Variants in CSTPP1 observed in about 807,000 individuals in gnomAD.
CSTPP1 encodes the protein UPF0705 protein C11orf49.
the CSTPP1 span, among the ~76,000 whole-genome samples, chr11:47,101,354 CTT>C: frequency 6.6e-6 from 1 of 150,998 alleles, no homozygotes; most frequent in South Asian, 2.1e-4. Context: ...GAGAAGAGCC[CTT>C]TTAGGTAGTA....
the CSTPP1 span, among the ~76,000 whole-genome samples, chr11:47,093,817 A>G: frequency 1.3e-5 from 2 of 152,244 alleles, no homozygotes; most frequent in Non-Finnish European, 2.9e-5. Flanking sequence ...CTGGCACTTA[A>G]TAGCTTCTTG....
At chr11:47,061,163 G>A in the CSTPP1 span, among the ~76,000 whole-genome samples, 2 of 151,092 alleles carry the variant, frequency 1.3e-5, no homozygotes, top group Non-Finnish European at 2.9e-5. Flanking sequence ...TTATTCATTC[G>A]ACAAACATTT....
At chr11:46,960,575 T>A in the CSTPP1 span, among the ~76,000 whole-genome samples, 2 of 152,240 alleles carry the variant, frequency 1.3e-5, no homozygotes, top group Non-Finnish European at 2.9e-5. Flanking sequence ...GATTCATCGA[T>A]GTTTGCTGGG....
chr11:46,964,580 T>A, the CSTPP1 span, among the ~76,000 whole-genome samples: 9 of 152,166 alleles, frequency 5.9e-5, no homozygotes, highest in African/African-American at 2.2e-4. Flanking sequence ...CCACCGCGCC[T>A]GGCCCACAGT....
At chr11:47,148,044 G>A in the CSTPP1 span, among the ~76,000 whole-genome samples, 2 of 152,114 alleles carry the variant, frequency 1.3e-5, no homozygotes, top group Admixed American at 1.3e-4. Context: ...GACACCCCAC[G>A]CCACTTCAAG....
At chr11:47,157,249 C>T in the CSTPP1 span, 2 of 1,533,914 alleles carry the variant, frequency 1.3e-6, no homozygotes, top group South Asian at 1.3e-5. Context: ...CCCCAGCCCC[C>T]CAGCCCCAGG....
At chr11:47,075,256 C>T in the CSTPP1 span, among the ~76,000 whole-genome samples, 1 of 145,402 alleles carries the variant, frequency 6.9e-6, no homozygotes, top group Non-Finnish European at 1.5e-5. Flanking sequence ...TCTGTAGTCC[C>T]AGCTACTTGG....
the CSTPP1 span, among the ~76,000 whole-genome samples, chr11:47,091,738 G>C: frequency 6.6e-6 from 1 of 152,170 alleles, no homozygotes; most frequent in African/African-American, 2.4e-5. Flanking sequence ...TTTGATGACG[G>C]GAGAGGAAGA....
At chr11:47,018,269 A>G in the CSTPP1 span, among the ~76,000 whole-genome samples, 1 of 150,162 alleles carries the variant, frequency 6.7e-6, no homozygotes, top group African/African-American at 2.5e-5. Context: ...TGCTCACTCA[A>G]TCACATGGTA....
the CSTPP1 span, among the ~76,000 whole-genome samples, chr11:47,028,682 T>C: frequency 6.6e-6 from 1 of 152,192 alleles, no homozygotes; most frequent in Non-Finnish European, 1.5e-5. Flanking sequence ...ATTTCTCTTA[T>C]CAAGTTAGCA....
the CSTPP1 span, among the ~76,000 whole-genome samples, chr11:47,110,786 T>C: frequency 6.6e-6 from 1 of 152,130 alleles, no homozygotes; most frequent in Non-Finnish European, 1.5e-5. Context: ...ACTGCATTCC[T>C]GTCTGCAACT....
chr11:46,972,223 G>A, the CSTPP1 span, among the ~76,000 whole-genome samples: 2 of 152,224 alleles, frequency 1.3e-5, no homozygotes, highest in South Asian at 2.1e-4. Context: ...CATTATAGAA[G>A]CAAAATATTT....
the CSTPP1 span, chr11:47,161,191 G>GTT: frequency 6.2e-7 from 1 of 1,613,656 alleles, no homozygotes; most frequent in African/African-American, 1.3e-5. Flanking sequence ...TGGAACGGCT[G>GTT]TAAGTGTCAA....
the CSTPP1 span, among the ~76,000 whole-genome samples, chr11:47,110,284 T>G: frequency 2.0e-5 from 3 of 152,296 alleles, no homozygotes; most frequent in East Asian, 5.8e-4. Flanking sequence ...CTGGCATACC[T>G]TTGACACTTA....
the CSTPP1 span, among the ~76,000 whole-genome samples, chr11:47,057,484 C>G: frequency 2.6e-5 from 4 of 152,116 alleles, no homozygotes; most frequent in African/African-American, 4.8e-5. Context: ...GGGAATTGCC[C>G]TCTTGCCACT....
At chr11:47,155,186 A>G in the CSTPP1 span, 1 of 1,612,032 alleles carries the variant, frequency 6.2e-7, no homozygotes, top group South Asian at 1.1e-5. Flanking sequence ...GATTGTGCTC[A>G]TGGACGATGC....
the CSTPP1 span, among the ~76,000 whole-genome samples, chr11:46,966,676 A>G: frequency 6.6e-6 from 1 of 152,166 alleles, no homozygotes; most frequent in Non-Finnish European, 1.5e-5. Flanking sequence ...TTTCTTTAAG[A>G]CAACTTTCAT....
At chr11:47,154,865 C>G in the CSTPP1 span, 3 of 469,104 alleles carry the variant, frequency 6.4e-6, no homozygotes, top group South Asian at 1.1e-4. Flanking sequence ...CCTCTCCTCG[C>G]CACCCCCTGC....
chr11:47,109,481 G>T, the CSTPP1 span, among the ~76,000 whole-genome samples: 1 of 152,160 alleles, frequency 6.6e-6, no homozygotes, highest in African/African-American at 2.4e-5. Flanking sequence ...TTTTAAAAAT[G>T]TTCTGCTCAC....
Sources: gnomAD v4.1 joint callset for allele counts (sites outside exome capture counted in the v4.1 genomes callset) on GRCh38, gnomAD v4.1.1 for gene constraint, MANE v1.5 for transcripts, NCBI Gene and HGNC (gene_info 2026-07-23, HGNC 2026-07-21) for gene names.